Variants in NEK1 observed in about 807,000 individuals in gnomAD.
The protein encoded by NEK1 is serine/threonine-protein kinase Nek1.
A neutral mutation model predicts 182.1 loss-of-function variants in NEK1; 137 were observed. That is an observed-to-expected ratio of 0.75 (90% CI 0.65 to 0.87). The LOEUF (loss-of-function observed/expected upper bound fraction) is 0.87. NEK1 is among the 40% of genes least tolerant of loss of function. NEK1 has a pLI of 0.00. For synonymous variants in NEK1, 513 were observed against 492.2 expected, an observed-to-expected ratio of 1.04 and a Z score of -0.56; for missense variants, 1,391 against 1,494.4, an observed-to-expected ratio of 0.93 and a Z score of 1.14.
chr4:169,502,394 T>C (rs1275104698), intron 23 of NEK1, among the ~76,000 whole-genome samples: 5 of 152,014 alleles, frequency 3.3e-5, no homozygotes, highest in Non-Finnish European at 7.4e-5. Context: ...AAGACCAGTT[T>C]CATCATGATA....
chr4:169,599,689 T>C (rs939068065), intron 4 of NEK1, among the ~76,000 whole-genome samples: 2 of 152,164 alleles, frequency 1.3e-5, no homozygotes, highest in Non-Finnish European at 2.9e-5. Flanking sequence ...GATTCAACAG[T>C]GTATAGGATA....
At chr4:169,524,556 G>A (rs1020467923) in intron 19 of NEK1, among the ~76,000 whole-genome samples, 1 of 151,750 alleles carries the variant, frequency 6.6e-6, no homozygotes, top group African/African-American at 2.4e-5. Context: ...ACAGAACAAG[G>A]TACTGATTAA....
intron 19 of NEK1, among the ~76,000 whole-genome samples, chr4:169,515,110 A>G (rs1353925049): frequency 6.6e-6 from 1 of 152,036 alleles, no homozygotes; most frequent in Non-Finnish European, 1.5e-5. Flanking sequence ...AAGTGTGTTA[A>G]TTTTTAAATG....
chr4:169,562,184 G>T lies in NEK1; in HGVS notation c.1033C>A (p.Pro345Thr). The T allele has an allele frequency of 1.9e-6, 3 of 1,545,630 alleles. No homozygotes were observed. The highest frequency in any genetic ancestry group is 2.6e-6 in the Non-Finnish European group (3 of 1,143,264). The change falls in exon 13 of 36, where the codon CCA becomes ACA. Residue 345 changes from proline to threonine, a missense_variant. Transcript: ENST00000507142. ...TCTCCAGTATTCACTCTCTTCTCTG[G>T]AGTTTGATGGGCCTGGACAAAAAGT... ...LQKHKQAHQT[P>T]EKRVNTGEER...
At chr4:169,490,278 C>G (rs966584755) in intron 23 of NEK1, among the ~76,000 whole-genome samples, 1 of 152,276 alleles carries the variant, frequency 6.6e-6, no homozygotes, top group East Asian at 1.9e-4. Context: ...CACCACCACC[C>G]ACAGAGCCAA....
At chr4:169,537,692 C>T in intron 19 of NEK1, 117 bp downstream of exon 19, 1 of 782,458 alleles carries the variant, frequency 1.3e-6, no homozygotes, top group South Asian at 1.5e-5. Flanking sequence ...TCTTTACTGC[C>T]TCTTATTATG....
At chr4:169,462,881 A>T (rs1456557086) in intron 27 of NEK1, among the ~76,000 whole-genome samples, 1 of 152,136 alleles carries the variant, frequency 6.6e-6, no homozygotes, top group Non-Finnish European at 1.5e-5. Context: ...TGTCTGTCAT[A>T]CCTACTAAAA....
chr4:169,441,733 G>C (rs545311247), intron 27 of NEK1, among the ~76,000 whole-genome samples: 279 of 151,762 alleles, frequency 1.8e-3, no homozygotes, highest in African/African-American at 6.6e-3. Flanking sequence ...GCTTGGGAAA[G>C]GGCCCACCCA....
intron 24 of NEK1, 86 bp from the exon 25 acceptor site, chr4:169,477,583 G>A: frequency 9.7e-7 from 1 of 1,026,030 alleles, no homozygotes; most frequent in East Asian, 2.7e-5. Flanking sequence ...GTTACTTTTT[G>A]GTTTTCATTA....
intron 23 of NEK1, among the ~76,000 whole-genome samples, chr4:169,499,142 T>A (rs1399563461): frequency 6.6e-6 from 1 of 152,206 alleles, no homozygotes; most frequent in East Asian, 1.9e-4. Context: ...CTCGCTTCAT[T>A]TCATTCATTT....
At chr4:169,401,623 G>T (rs1401057141) in intron 33 of NEK1, 29 bp downstream of exon 33, 1 of 1,592,184 alleles carries the variant, frequency 6.3e-7, no homozygotes, top group Non-Finnish European at 8.6e-7. Flanking sequence ...AACTGAAAAA[G>T]AAAAAGGTCC....
chr4:169,546,406 A>C (rs1481349092), intron 18 of NEK1, among the ~76,000 whole-genome samples: 1 of 152,102 alleles, frequency 6.6e-6, no homozygotes, highest in Non-Finnish European at 1.5e-5. Context: ...TTCCAATTAC[A>C]TGGTCAATTT....
At position 169,394,322 on chromosome 4, in the gene NEK1, T is replaced by C. The variant is rs978448943; in HGVS notation, c.*188A>G. 14 of 476,520 alleles carry C rather than the reference T, an allele frequency of 2.9e-5. No individual in the cohort carries two copies. The highest frequency in any genetic ancestry group is 1.1e-4 in the East Asian group (3 of 26,770). The allele number at this position is 476,520 out of a possible 1,614,324, so 29.5% of individuals were successfully genotyped here. A position where few individuals can be genotyped will look rare whatever the true frequency, so the allele number is the denominator to read the frequency against. The stretch of plus-strand genomic sequence containing the variant: ...TAACCATGGAATTCAATGAACAAAA[T>C]AGATAAAATATTAGAATCTTCACTG... On this transcript the variant is annotated 3_prime_UTR_variant, in exon 36 of 36. Coordinates refer to ENST00000507142, the MANE Select transcript of NEK1 (RefSeq NM_001199397.3).
At position 169,555,709 on chromosome 4, in the gene NEK1, C is replaced by G; in HGVS notation, c.1562+11G>C. On this transcript the variant is annotated intron_variant, in intron 18 of 35. Coordinates refer to ENST00000507142, the MANE Select transcript of NEK1 (RefSeq NM_001199397.3). ...ACACATGGATGAATTCATGGATCATCACAGTCCAACCTGTTTGCATTGGCT... is the reference window on the plus strand; with the variant it reads ...ACACATGGATGAATTCATGGATCATGACAGTCCAACCTGTTTGCATTGGCT... The G allele has an allele frequency of 1.2e-6, 2 of 1,613,734 alleles. No individual in the cohort carries two copies. Among genetic ancestry groups the G allele is most frequent in the East Asian group, 2.2e-5 (1 of 44,870 alleles).
At chr4:169,535,523 T>C (rs1158243697) in intron 19 of NEK1, among the ~76,000 whole-genome samples, 1 of 150,426 alleles carries the variant, frequency 6.6e-6, no homozygotes, top group Admixed American at 6.6e-5. Flanking sequence ...TACAAACTGG[T>C]CTAATATATG....
chr4:169,507,764 T>C lies in NEK1; in HGVS notation c.1862A>G (p.Glu621Gly). 1 of 1,613,176 alleles carries C rather than the reference T, an allele frequency of 6.2e-7. No homozygotes were observed. The highest frequency in any genetic ancestry group is 1.7e-5 in the Admixed American group (1 of 60,008). ...CCTCATGTCAGCCTCTTCACTTCCT[T>C]CTTGTCCTTCAGAATGATTAGCTTC... Reference protein sequence around the residue: ...KKEANHSEGQEGSEEADMRRK... With the variant: ...KKEANHSEGQGGSEEADMRRK... The change falls in exon 22 of 36, where the codon GAA (glutamate) becomes GGA (glycine). Residue 621 changes from glutamate to glycine, a missense_variant. Glu to Gly is a moderately conservative substitution (Grantham distance 98). Transcript: ENST00000507142.
Position 169,602,625 on chromosome 4 carries a change from C to T in NEK1, c.6G>A (p.Glu2=). The part of the protein sequence containing the change: M[E]KYVRLQKIGE... ...CAATCTTCTGTAGTCTAACATACTT[C>T]TCCATGATTCTTTTTCTAAGGCATC... The change falls in exon 3 of 36, where the codon GAG becomes GAA. Residue 2 remains glutamate, a synonymous_variant. Transcript: ENST00000507142. The T allele has an allele frequency of 6.4e-7, 1 of 1,561,870 alleles. No homozygotes were observed.
intron 2 of NEK1, among the ~76,000 whole-genome samples, chr4:169,605,952 A>C (rs771199241): frequency 2.0e-5 from 3 of 152,140 alleles, no homozygotes; most frequent in Non-Finnish European, 4.4e-5. Flanking sequence ...CTAGCTACAT[A>C]ATCAAACGCT....
intron 31 of NEK1, among the ~76,000 whole-genome samples, chr4:169,421,095 A>G (rs1735418025): frequency 6.6e-6 from 1 of 152,192 alleles, no homozygotes; most frequent in Non-Finnish European, 1.5e-5. Flanking sequence ...AGACAAGGTG[A>G]TATGACCAGT....
Sources: gnomAD v4.1 joint callset for allele counts (sites outside exome capture counted in the v4.1 genomes callset) on GRCh38, gnomAD v4.1.1 for gene constraint, MANE v1.5 for transcripts, NCBI Gene and HGNC (gene_info 2026-07-23, HGNC 2026-07-21) for gene names.